Variants in ALK observed in about 807,000 individuals in gnomAD.
The protein encoded by ALK is ALK receptor tyrosine kinase.
A neutral mutation model predicts 163.1 loss-of-function variants in ALK; 74 were observed. That is an observed-to-expected ratio of 0.45 (90% CI 0.38 to 0.55). The LOEUF is 0.55. Ranked by LOEUF, ALK falls within the 20% of genes least tolerant of loss-of-function variation. The pLI is 0.00. For missense variants in ALK, 2,063 were observed against 2,105.3 expected, an observed-to-expected ratio of 0.98 and a Z score of 0.39; for synonymous variants, 960 against 843.2, an observed-to-expected ratio of 1.14 and a Z score of -2.40.
chr2:29,862,158 G>A (rs553856084), intron 1 of ALK, among the ~76,000 whole-genome samples: 1 of 152,220 alleles, frequency 6.6e-6, no homozygotes, highest in South Asian at 2.1e-4. Flanking sequence ...CAAGCCCATA[G>A]CCAATATCAT....
chr2:29,818,074 A>G (rs983953160), intron 1 of ALK, among the ~76,000 whole-genome samples: 15 of 152,174 alleles, frequency 9.9e-5, no homozygotes, highest in African/African-American at 3.6e-4. Context: ...TTGGCTCGCC[A>G]AACTCCACTG....
rs114337669 is a variant in ALK, at chr2:29,295,608, C to T, written c.1817+1280G>A. ...CTAGTGCTCAGAGTGAGGACAATGC[C>T]TTTGTCCTTTGACAGCACTGATGCA... On this transcript the variant is annotated intron_variant, in intron 9 of 28. Coordinates refer to ENST00000389048, the MANE Select transcript of ALK (RefSeq NM_004304.5). Among the ~76,000 whole-genome samples, 1,262 of 152,318 alleles carry T rather than the reference C, an allele frequency of 8.3e-3. 29 individuals are homozygous for T. The highest frequency in any genetic ancestry group is 0.029 in the African/African-American group (1,198 of 41,560).
intron 5 of ALK, among the ~76,000 whole-genome samples, chr2:29,350,375 GCTAGTGGCCCCTTGGTGATCC>G (rs1023879264): frequency 6.6e-6 from 1 of 152,228 alleles, no homozygotes; most frequent in African/African-American, 2.4e-5. Context: ...CCAGTGAAAG[GCTAGTGGCCCCTTGGTGATCC>G]CTATGGCCAT....
At chr2:29,831,167 G>GA (rs1665394028) in intron 1 of ALK, among the ~76,000 whole-genome samples, 3 of 46,762 alleles carry the variant, frequency 6.4e-5, no homozygotes, top group African/African-American at 1.6e-4. Flanking sequence ...AGAAGGAGAA[G>GA]AGGAAGAGGA....
intron 1 of ALK, among the ~76,000 whole-genome samples, chr2:29,743,362 G>C (rs1462806564): frequency 6.6e-6 from 1 of 152,170 alleles, no homozygotes; most frequent in Non-Finnish European, 1.5e-5. Context: ...TTGCTCATCA[G>C]GGAAGTCTCC....
chr2:29,571,719 C>A (rs184109737), intron 3 of ALK, among the ~76,000 whole-genome samples: 1 of 145,624 alleles, frequency 6.9e-6, no homozygotes, highest in Admixed American at 7.2e-5. Context: ...TGGGTTCAAG[C>A]GATTCTTCTG....
chr2:29,453,787 G>A (rs1024617463), intron 4 of ALK, among the ~76,000 whole-genome samples: 7 of 152,056 alleles, frequency 4.6e-5, no homozygotes, highest in Admixed American at 4.6e-4. Flanking sequence ...CACAGTTTTG[G>A]GAAAATTTGA....
chr2:29,920,324 G>A lies in ALK; in HGVS notation c.336C>T (p.Ala112=), dbSNP rs776604754. The change falls in exon 1 of 29, where the codon GCC becomes GCT. Residue 112 remains alanine (A), a synonymous_variant. Transcript: ENST00000389048. ...GGGCCTCTGCCGGGGCTGGTGAACC[G>A]GCGGTCCAGGAGACCCCCGGCGCCG... The part of the protein sequence containing the change: ...LGPAPGVSWT[A]GSPAPAEART... The A allele has an allele frequency of 1.4e-5, 21 of 1,554,040 alleles. No individual in the cohort carries two copies. The highest frequency in any genetic ancestry group is 1.8e-5 in the Non-Finnish European group (21 of 1,150,382).
At chr2:29,691,031 T>C (rs973399447) in intron 3 of ALK, among the ~76,000 whole-genome samples, 2 of 152,220 alleles carry the variant, frequency 1.3e-5, no homozygotes, top group Non-Finnish European at 2.9e-5. Context: ...TTGTGCAGAA[T>C]GGACAGGTTG....
At chr2:29,744,198 C>T (rs1050991470) in intron 1 of ALK, among the ~76,000 whole-genome samples, 3 of 152,136 alleles carry the variant, frequency 2.0e-5, no homozygotes, top group Non-Finnish European at 4.4e-5. Context: ...ACAGGAGGAG[C>T]TACTTGCCTA....
chr2:29,890,197 G>C (rs1013630019), intron 1 of ALK, among the ~76,000 whole-genome samples: 12 of 152,156 alleles, frequency 7.9e-5, no homozygotes, highest in African/African-American at 2.9e-4. Context: ...ACCTCAAGCA[G>C]ACCATGTGCC....
At chr2:29,693,414 CACACACACACACACACACACACAG>C (rs1678459488) in intron 3 of ALK, among the ~76,000 whole-genome samples, 2 of 149,524 alleles carry the variant, frequency 1.3e-5, no homozygotes, top group African/African-American at 5.0e-5. Context: ...CCTACACACA[CACACACACACACACACACACACAG>C]ACACACACAC....
At chr2:29,423,319 A>C (rs1188358522) in intron 4 of ALK, among the ~76,000 whole-genome samples, 1 of 152,198 alleles carries the variant, frequency 6.6e-6, no homozygotes, top group Non-Finnish European at 1.5e-5. Context: ...TAAAACTAGA[A>C]TTTGTACCAA....
chr2:29,556,026 A>T (rs1265802267), intron 3 of ALK, among the ~76,000 whole-genome samples: 3 of 152,214 alleles, frequency 2.0e-5, no homozygotes. Flanking sequence ...CTGGATTTGA[A>T]ATCCTGAGCA....
chr2:29,803,345 A>T (rs1408774792), intron 1 of ALK, among the ~76,000 whole-genome samples: 1 of 152,256 alleles, frequency 6.6e-6, no homozygotes, highest in Non-Finnish European at 1.5e-5. Flanking sequence ...AGCTGAATAG[A>T]GTCAGACTCT....
In ALK at chr2:29,233,561, A is replaced by G. The variant is rs368430854; in HGVS notation, c.2487+4T>C. 3.7e-6 allele frequency: 6 copies of G among 1,614,026 alleles called. No homozygotes were observed. In the African/African-American group the frequency reaches 4.0e-5, roughly 11 times the overall value. ...TGGTGGAAATCTGGCAGCACACACC[A>G]TACCTTAAATACGTAGGTGGCTCCA... On this transcript the variant is annotated splice_donor_region_variant and intron_variant, in intron 14 of 28. Transcript: ENST00000389048.
intron 1 of ALK, among the ~76,000 whole-genome samples, chr2:29,876,641 T>C (rs1256950256): frequency 6.7e-6 from 1 of 149,762 alleles, no homozygotes; most frequent in African/African-American, 2.5e-5. Context: ...GCGGTGATGG[T>C]GATGATGGTG....
intron 1 of ALK, among the ~76,000 whole-genome samples, chr2:29,834,659 A>G (rs1665510590): frequency 6.6e-6 from 1 of 152,210 alleles, no homozygotes; most frequent in Admixed American, 6.5e-5. Context: ...ACAAGCCAAA[A>G]GGGTGCGAGT....
rs754457245 is a variant in ALK at position 29,318,435 on chromosome 2, C to T, written c.1547-31G>A. ...AGAGAGGAAAAGAATCACAAGCACG[C>T]CATTATCAGGAACTGGGGGACCAGG... On this transcript the variant is annotated intron_variant, in intron 7 of 28. Coordinates refer to ENST00000389048, the MANE Select transcript of ALK (RefSeq NM_004304.5). The T allele has an allele frequency of 6.0e-6, 9 of 1,506,754 alleles. No individual in the cohort carries two copies. The Middle Eastern group carries it at 6.8e-4, about 115-fold the overall frequency. The allele number at this position is 1,506,754 out of a possible 1,614,324, so 93.3% of individuals were successfully genotyped here.
Sources: gnomAD v4.1 joint callset for allele counts (sites outside exome capture counted in the v4.1 genomes callset) on GRCh38, gnomAD v4.1.1 for gene constraint, MANE v1.5 for transcripts, NCBI Gene and HGNC (gene_info 2026-07-23, HGNC 2026-07-21) for gene names.